Variants in RASEF observed in about 807,000 individuals in gnomAD.
RASEF encodes ras and EF-hand domain-containing protein.
In RASEF, 68 loss-of-function variants were observed where a neutral mutation model predicts 90.1. The ratio of observed to expected loss-of-function variants is 0.75; its 90% CI spans 0.62 to 0.92. The LOEUF is 0.92. Among genes scored for constraint, RASEF ranks in the 40% least tolerant of loss-of-function variants. The probability of loss-of-function intolerance (pLI) is 0.00; values close to 1 mark genes in which losing one functional copy is unlikely to be tolerated. For synonymous variants in RASEF, 331 were observed against 345.2 expected, an observed-to-expected ratio of 0.96 and a Z score of 0.46; for missense variants, 949 against 937.2, an observed-to-expected ratio of 1.01 and a Z score of -0.16.
At chr9:83,184,319 G>A in the RASEF span, among the ~76,000 whole-genome samples, 3 of 152,088 alleles carry the variant, frequency 2.0e-5, no homozygotes, top group African/African-American at 7.2e-5. Context: ...AACAGCCTTG[G>A]GAAGTATAGA....
chr9:83,006,943 A>G (rs2118477581), intron 7 of RASEF, among the ~76,000 whole-genome samples: 1 of 151,992 alleles, frequency 6.6e-6, no homozygotes, highest in Non-Finnish European at 1.5e-5. Flanking sequence ...AAAATACAAA[A>G]ATTAGCTGGG....
intron 4 of RASEF, among the ~76,000 whole-genome samples, chr9:83,013,947 G>C (rs1829296522): frequency 6.6e-6 from 1 of 152,134 alleles, no homozygotes; most frequent in African/African-American, 2.4e-5. Flanking sequence ...GGGAAAAATG[G>C]GTACAGTTTT....
chr9:83,000,686 G>C, intron 10 of RASEF, 116 bp from the exon 11 acceptor site: 3 of 985,390 alleles, frequency 3.0e-6, no homozygotes, highest in Non-Finnish European at 4.4e-6. Flanking sequence ...TAAATCAACA[G>C]TCAATGCTAT....
the RASEF span, among the ~76,000 whole-genome samples, chr9:83,098,361 T>A: frequency 6.6e-6 from 1 of 152,212 alleles, no homozygotes; most frequent in Non-Finnish European, 1.5e-5. Flanking sequence ...ACTGGAAGAT[T>A]ATAAACATAG....
the RASEF span, among the ~76,000 whole-genome samples, chr9:83,089,990 A>C: frequency 6.6e-6 from 1 of 152,200 alleles, no homozygotes; most frequent in Non-Finnish European, 1.5e-5. Flanking sequence ...TGGTCTGCTT[A>C]ATGGTGTCCC....
chr9:83,079,955 A>T, the RASEF span, among the ~76,000 whole-genome samples: 7 of 152,356 alleles, frequency 4.6e-5, no homozygotes, highest in South Asian at 1.4e-3. Context: ...ACCTTAACAA[A>T]TTATATGTCT....
chr9:83,012,247 A>G (rs1326082284), intron 5 of RASEF, among the ~76,000 whole-genome samples, 187 bp downstream of exon 5: 1 of 152,238 alleles, frequency 6.6e-6, no homozygotes, highest in Non-Finnish European at 1.5e-5. Flanking sequence ...AGCTTTCACA[A>G]TAAGTGGCAT....
chr9:83,164,347 G>GTGTGTATATATATATATATATATATATA, the RASEF span, among the ~76,000 whole-genome samples: 53 of 129,938 alleles, frequency 4.1e-4, no homozygotes, highest in Admixed American at 5.6e-4. Context: ...GTATATGTGT[G>GTGTGTATATATATATATATATATATATA]TATATATATA....
chr9:83,109,548 C>T, the RASEF span, among the ~76,000 whole-genome samples: 1 of 152,254 alleles, frequency 6.6e-6, no homozygotes, highest in Non-Finnish European at 1.5e-5. Context: ...ATAAGAAAAA[C>T]CTATCTTCAC....
At chr9:83,105,025 A>C in the RASEF span, among the ~76,000 whole-genome samples, 1 of 152,190 alleles carries the variant, frequency 6.6e-6, no homozygotes, top group Admixed American at 6.5e-5. Flanking sequence ...ATATTTATTG[A>C]GTGTCCATAT....
the RASEF span, among the ~76,000 whole-genome samples, chr9:83,183,211 A>T: frequency 0.015 from 2,230 of 151,886 alleles, 44 homozygotes; most frequent in African/African-American, 0.05. Context: ...AAAGAAAAAA[A>T]CATAAAAGGA....
chr9:83,059,734 C>G (rs762355800), intron 1 of RASEF, among the ~76,000 whole-genome samples: 6 of 152,172 alleles, frequency 3.9e-5, no homozygotes, highest in Non-Finnish European at 8.8e-5. Flanking sequence ...TGTTGGCTGA[C>G]CTTATCAAAC....
the RASEF span, among the ~76,000 whole-genome samples, chr9:83,073,797 T>C: frequency 2.0e-5 from 3 of 152,234 alleles, no homozygotes; most frequent in African/African-American, 4.8e-5. Flanking sequence ...TTAGTAGTAA[T>C]CTTAGTCAAG....
chr9:83,215,191 C>T, the RASEF span, among the ~76,000 whole-genome samples: 6 of 151,994 alleles, frequency 3.9e-5, no homozygotes, highest in African/African-American at 1.2e-4. Context: ...TACCAGCTCC[C>T]CATCCATCCT....
intron 1 of RASEF, among the ~76,000 whole-genome samples, chr9:83,043,763 G>A (rs891999969): frequency 6.6e-6 from 1 of 152,056 alleles, no homozygotes; most frequent in Admixed American, 6.5e-5. Flanking sequence ...CTGCCCAGCA[G>A]ATGTGGCCAC....
the RASEF span, among the ~76,000 whole-genome samples, chr9:83,086,414 A>G: frequency 6.6e-6 from 1 of 152,226 alleles, no homozygotes; most frequent in Non-Finnish European, 1.5e-5. Context: ...GCAAGCCAGA[A>G]TATTTATACT....
chr9:83,093,325 G>A, the RASEF span, among the ~76,000 whole-genome samples: 1 of 152,216 alleles, frequency 6.6e-6, no homozygotes. Context: ...GTGGTGATGG[G>A]ACTGGGCCCC....
At chr9:83,132,233 A>T in the RASEF span, among the ~76,000 whole-genome samples, 3 of 152,172 alleles carry the variant, frequency 2.0e-5, no homozygotes, top group Non-Finnish European at 4.4e-5. Flanking sequence ...TACTGGCATC[A>T]GAACTCGGAG....
At chr9:83,159,317 T>C in the RASEF span, among the ~76,000 whole-genome samples, 7 of 152,190 alleles carry the variant, frequency 4.6e-5, no homozygotes, top group Non-Finnish European at 8.8e-5. Context: ...TTAAATGTTC[T>C]ACATGGACAC....
Sources: allele counts gnomAD v4.1 joint callset (sites outside exome capture counted in the v4.1 genomes callset), GRCh38; gene constraint gnomAD v4.1.1; transcripts MANE v1.5; gene names NCBI Gene and HGNC (gene_info 2026-07-23, HGNC 2026-07-21).